The following ANKRD42 variants were observed in gnomAD, a reference collection of about 807,000 sequenced individuals.
ANKRD42 encodes the protein ankyrin repeat domain-containing protein 42.
A neutral mutation model predicts 51.5 loss-of-function variants in ANKRD42; 43 were observed. The ratio of observed to expected loss-of-function variants is 0.83; its 90% CI spans 0.65 to 1.08. The LOEUF is 1.08. Ranked by LOEUF, ANKRD42 falls within the 50% of genes least tolerant of loss-of-function variation. The pLI, the probability that ANKRD42 is intolerant of heterozygous loss-of-function variation, is 0.00. For missense variants in ANKRD42, 608 were observed against 629.3 expected (o/e 0.97, Z 0.36); for synonymous variants, 203 against 213.0 (o/e 0.95, Z 0.41).
At chr11:83,241,873 G>C (rs1300705036) in intron 9 of ANKRD42, among the ~76,000 whole-genome samples, 2 of 152,174 alleles carry the variant, frequency 1.3e-5, no homozygotes, top group Non-Finnish European at 2.9e-5. Context: ...TAGCATTTCA[G>C]ATGGGGTATG....
At chr11:83,205,550 T>G (rs1042697129) in intron 2 of ANKRD42, among the ~76,000 whole-genome samples, 1 of 152,198 alleles carries the variant, frequency 6.6e-6, no homozygotes, top group Non-Finnish European at 1.5e-5. Flanking sequence ...TTTTTAAAAA[T>G]CTTAAAGATA....
chr11:83,248,023 GAGC>G lies in ANKRD42; in HGVS notation c.1406_1408del (p.Ala469del). Reference sequence around the variant, plus strand: ...TTAGAATGTCAGCTTGATGAATATCGAGCAGAAGTTGATCAACTCAGGGAAACA... The same window carrying G: ...TTAGAATGTCAGCTTGATGAATATCGAGAAGTTGATCAACTCAGGGAAACA... On this transcript the variant is annotated inframe_deletion, in exon 11 of 11. Transcript: ENST00000533342. 6.2e-7 allele frequency: 1 copy of G among 1,610,804 alleles called. No homozygotes were observed. The highest frequency in any genetic ancestry group is 2.2e-5 in the East Asian group (1 of 44,746).
chr11:83,213,395 A>G, intron 5 of ANKRD42: 1 of 1,570,184 alleles, frequency 6.4e-7, no homozygotes, highest in South Asian at 1.1e-5. Context: ...GCAGTGAAGA[A>G]AATGAATAGA....
chr11:83,212,945 AC>A, intron 5 of ANKRD42: 1 of 1,528,398 alleles, frequency 6.5e-7, no homozygotes. Context: ...GTCTCAAAAA[AC>A]AAAAAGCCCC....
chr11:83,247,207 GAAA>G (rs1591011923), intron 10 of ANKRD42, among the ~76,000 whole-genome samples: 1 of 151,806 alleles, frequency 6.6e-6, no homozygotes, highest in East Asian at 1.9e-4. Context: ...CCTCATGGTG[GAAA>G]AATTATTTCC....
In ANKRD42 at chr11:83,210,377, T is replaced by C. The variant is rs748733930; in HGVS notation, c.408T>C (p.His136=). The change falls in exon 4 of 11, where the codon CAT becomes CAC. Residue 136 remains histidine (H), a synonymous_variant. Coordinates refer to ENST00000533342, the MANE Select transcript of ANKRD42 (RefSeq NM_001300975.2). The part of the protein sequence containing the change: ...GCTPLHLAAT[H]GHSFTLQIML... ...CTCCTTTACATCTTGCTGCAACTCATGGACATTCTTTCACTTTACAAATAA... is the reference window on the plus strand; with the variant it reads ...CTCCTTTACATCTTGCTGCAACTCACGGACATTCTTTCACTTTACAAATAA... The C allele has an allele frequency of 1.2e-6, 2 of 1,614,082 alleles. No individual in the cohort carries two copies. Among genetic ancestry groups the C allele is most frequent in the Non-Finnish European group, 1.7e-6 (2 of 1,179,936 alleles).
In ANKRD42 at chr11:83,248,710, A is replaced by C. The variant is rs1242553356; in HGVS notation, c.*506A>C. 1.0e-6 allele frequency: 1 copy of C among 973,962 alleles called. No individual in the cohort carries two copies. Among genetic ancestry groups the C allele is most frequent in the East Asian group, 1.1e-4 (1 of 8,774 alleles). 60.3% of individuals were successfully genotyped at this position (973,962 alleles called of 1,614,324 possible). A position where few individuals can be genotyped will look rare whatever the true frequency, so the allele number is the denominator to read the frequency against. ...CATTGGTCTCTTTAATAACCACTTT[A>C]AAAATATTAAAATAATAAAACATGT... is the stretch of plus-strand genomic sequence containing the variant. On this transcript the variant is annotated 3_prime_UTR_variant, in exon 11 of 11. Transcript: ENST00000533342.
chr11:83,202,988 A>ATTTT (rs750379636), intron 2 of ANKRD42, among the ~76,000 whole-genome samples: 6 of 118,984 alleles, frequency 5.0e-5, no homozygotes, highest in South Asian at 2.6e-4. Context: ...TGTTGGTTGG[A>ATTTT]TTTTTTTTTT....
chr11:83,232,720 G>A (rs1269503832), intron 7 of ANKRD42, among the ~76,000 whole-genome samples: 1 of 152,092 alleles, frequency 6.6e-6, no homozygotes. Context: ...CTGTGGGTCT[G>A]TCATATATGA....
chr11:83,257,427 T>C, downstream of ANKRD42: 2 of 411,708 alleles, frequency 4.9e-6, no homozygotes, highest in Non-Finnish European at 9.6e-6. Flanking sequence ...AAGTCAGAAC[T>C]GAACTGAAAG....
intron 5 of ANKRD42, chr11:83,213,721 TAG>T (rs1862418213): frequency 4.2e-6 from 1 of 240,902 alleles, no homozygotes. Context: ...TATTGGCTGT[TAG>T]AGTGTGTCTT....
At chr11:83,260,346 G>A (rs1863871986), downstream of ANKRD42, 1 of 152,154 alleles carries the variant, frequency 6.6e-6, no homozygotes, top group Non-Finnish European at 1.5e-5. Context: ...AACAAATGCA[G>A]TATACTTTGT....
chr11:83,227,893 T>C (rs1459828159), intron 7 of ANKRD42, 21 bp downstream of exon 7: 1 of 1,585,000 alleles, frequency 6.3e-7, no homozygotes, highest in Non-Finnish European at 8.6e-7. Context: ...ATTCCTCCTT[T>C]CAGTTCGGAT....
chr11:83,209,588 C>A, intron 3 of ANKRD42: 15 of 904,534 alleles, frequency 1.7e-5, no homozygotes, highest in South Asian at 5.2e-5. Flanking sequence ...TGAACCAGAA[C>A]CTCACATATT....
intron 10 of ANKRD42, among the ~76,000 whole-genome samples, 168 bp downstream of exon 10, chr11:83,245,792 T>C (rs1016419645): frequency 6.6e-6 from 1 of 152,220 alleles, no homozygotes; most frequent in Non-Finnish European, 1.5e-5. Context: ...TTTTAAATAA[T>C]TGTGATAAAA....
At chr11:83,196,035 C>T (rs1861639929) in intron 1 of ANKRD42, among the ~76,000 whole-genome samples, 2 of 152,048 alleles carry the variant, frequency 1.3e-5, no homozygotes, top group Non-Finnish European at 2.9e-5. Context: ...TTAGTAGAAA[C>T]GGAGTTTCAC....
intron 10 of ANKRD42, among the ~76,000 whole-genome samples, chr11:83,245,967 A>T (rs556959074): frequency 1.3e-5 from 2 of 152,272 alleles, no homozygotes; most frequent in East Asian, 3.9e-4. Flanking sequence ...CCCATTCATA[A>T]ATCTGAGACT....
chr11:83,252,801 AT>A (rs1222277393), downstream of ANKRD42, among the ~76,000 whole-genome samples: 2 of 151,628 alleles, frequency 1.3e-5, no homozygotes, highest in Non-Finnish European at 2.9e-5. Context: ...TGGTATATAT[AT>A]TGTACTTAAA....
chr11:83,206,899 G>A (rs1862097857), intron 3 of ANKRD42, among the ~76,000 whole-genome samples: 1 of 152,170 alleles, frequency 6.6e-6, no homozygotes, highest in Admixed American at 6.5e-5. Context: ...AATTTATTCA[G>A]TGTTTTGAAA....
Sources: allele counts gnomAD v4.1 joint callset (sites outside exome capture counted in the v4.1 genomes callset), GRCh38; gene constraint gnomAD v4.1.1; transcripts MANE v1.5; gene names NCBI Gene and HGNC (gene_info 2026-07-23, HGNC 2026-07-21).